The following CD1A variants were observed in gnomAD, a reference collection of about 807,000 sequenced individuals.
The protein encoded by CD1A is CD1a molecule, also known as T-cell surface glycoprotein CD1a.
In CD1A, 50 loss-of-function variants were observed where a neutral mutation model predicts 38.3. That is an observed-to-expected ratio of 1.30 (90% CI 1.04 to 1.65). The LOEUF is 1.65. CD1A is among the 40% of genes most tolerant of loss of function. The pLI, the probability that CD1A is intolerant of heterozygous loss-of-function variation, is 0.00. For synonymous variants in CD1A, 160 were observed against 150.8 expected (o/e 1.06, Z -0.45); for missense variants, 459 against 406.1 (o/e 1.13, Z -1.12).
chr1:158,251,976 G>T (rs1650099652), upstream of CD1A, among the ~76,000 whole-genome samples: 1 of 151,906 alleles, frequency 6.6e-6, no homozygotes, highest in Non-Finnish European at 1.5e-5. Flanking sequence ...GACTACAGGT[G>T]TGCACCACCA....
rs897773148 is a variant in CD1A at position 158,254,616 on chromosome 1, A to C, written c.-54A>C. ...ATATCGTGGGGTAGGTTTGTTTGGA[A>C]CAGAAATCAAAGACCAATTTTTCTG... On this transcript the variant is annotated 5_prime_UTR_variant, in exon 1 of 6. Transcript: ENST00000289429. The C allele has an allele frequency of 1.9e-6, 3 of 1,613,262 alleles. No individual in the cohort carries two copies. The highest frequency in any genetic ancestry group is 2.5e-6 in the Non-Finnish European group (3 of 1,179,758).
Position 158,255,026 on chromosome 1 carries a change from T to C in CD1A, c.59-58T>C, listed in dbSNP as rs1650199121. 7.0e-6 allele frequency: 11 copies of C among 1,565,726 alleles called. No homozygotes were observed. In the South Asian group the frequency reaches 1.1e-4, roughly 16 times the overall value. On this transcript the variant is annotated intron_variant, in intron 1 of 5. Transcript: ENST00000289429. ...GAGTTCCCGCACTCTGGCACCTTTC[T>C]CTCTCCATCCTCTTTCTCAATGTCT...
upstream of CD1A, among the ~76,000 whole-genome samples, chr1:158,249,535 T>C (rs1650029998): frequency 6.6e-6 from 1 of 152,094 alleles, no homozygotes; most frequent in South Asian, 2.1e-4. Flanking sequence ...AACATAACAT[T>C]GGGGGTTAGA....
chr1:158,249,029 C>T, the CD1A span, among the ~76,000 whole-genome samples: 1 of 152,222 alleles, frequency 6.6e-6, no homozygotes, highest in African/African-American at 2.4e-5. Context: ...TCTTCTCCCG[C>T]TTCTTCCTTC....
At position 158,256,854 on chromosome 1, in the gene CD1A, G is replaced by A; in HGVS notation, c.673G>A (p.Val225Ile). ...TGGCCATCTGCAGCTTGTGTGCCAT[G>A]TCTCAGGATTCTACCCAAAGCCCGT... The part of the protein sequence containing the change: ...GPGHLQLVCH[V>I]SGFYPKPVWV... Residue 225 changes from valine to isoleucine, a missense_variant, in exon 4 of 6, where the codon GTC becomes ATC. Transcript: ENST00000289429. The A allele has an allele frequency of 6.2e-7, 1 of 1,614,230 alleles. No homozygotes were observed.
intron 5 of CD1A, 32 bp downstream of exon 5, chr1:158,257,543 T>G (rs774717241): frequency 6.3e-7 from 1 of 1,590,938 alleles, no homozygotes; most frequent in Non-Finnish European, 8.6e-7. Flanking sequence ...TTCCTACTCT[T>G]AGCCTCTACC....
chr1:158,252,575 A>G (rs1290984575), upstream of CD1A, among the ~76,000 whole-genome samples: 1 of 152,188 alleles, frequency 6.6e-6, no homozygotes, highest in East Asian at 1.9e-4. Context: ...ATCTGGCTTC[A>G]AAAAATTATA....
Position 158,255,329 on chromosome 1 carries a change from GC to G in CD1A, c.307del (p.His103MetfsTer13), listed in dbSNP as rs1482259152. The G allele has an allele frequency of 3.7e-6, 6 of 1,613,826 alleles. No individual in the cohort carries two copies. The highest frequency in any genetic ancestry group is 5.1e-6 in the Non-Finnish European group (6 of 1,179,868). ...IRSFEGIRRY[A>X]HELQFEYPFE... is the part of the protein sequence containing the mutation. ...GTCATTTGAGGGAATTCGTAGATAC[GC>G]CCATGAATTGCAGTTTGAATGTGAG... is the stretch of plus-strand genomic sequence containing the variant. On this transcript the variant is annotated frameshift_variant, in exon 2 of 6. Coordinates refer to ENST00000289429, the MANE Select transcript of CD1A (RefSeq NM_001763.3). LOFTEE classifies it high-confidence loss of function.
chr1:158,249,809 A>G (rs1343042383), upstream of CD1A, among the ~76,000 whole-genome samples: 1 of 151,954 alleles, frequency 6.6e-6, no homozygotes, highest in African/African-American at 2.4e-5. Flanking sequence ...TGGGGGCCGC[A>G]CTCCATGACT....
intron 4 of CD1A, 147 bp downstream of exon 4, chr1:158,257,211 A>T (rs1650290016): frequency 1.7e-6 from 2 of 1,149,962 alleles, no homozygotes; most frequent in Admixed American, 2.8e-5. Context: ...AATGTTGAAA[A>T]TGAGGGCCCT....
rs1350305597 is a variant in CD1A at position 158,256,131 on chromosome 1, T to G, written c.453T>G (p.Tyr151Ter). 1.9e-6 allele frequency: 3 copies of G among 1,614,038 alleles called. No homozygotes were observed. The Admixed American group carries it at 5.0e-5, about 27-fold the overall frequency. ...VSFQNNSWLP[Y>*]PVAGNMAKHF... ...TCCAGAACAATTCATGGTTGCCATATCCAGTGGCTGGGAATATGGCCAAGC... is the reference window on the plus strand; with the variant it reads ...TCCAGAACAATTCATGGTTGCCATAGCCAGTGGCTGGGAATATGGCCAAGC... Residue 151 changes from tyrosine to a stop codon, truncating the protein, a stop_gained, in exon 3 of 6, where the codon TAT (tyrosine) becomes TAG (stop). Transcript: ENST00000289429. LOFTEE classifies it high-confidence loss of function.
intron 3 of CD1A, 22 bp downstream of exon 3, chr1:158,256,304 C>T: frequency 6.3e-7 from 1 of 1,597,070 alleles, no homozygotes; most frequent in Non-Finnish European, 8.5e-7. Context: ...ACTCTCCCTC[C>T]AAGAAGTTTT....
At chr1:158,255,505 A>G (rs1205597127) in intron 2 of CD1A, among the ~76,000 whole-genome samples, 155 bp downstream of exon 2, 1 of 152,138 alleles carries the variant, frequency 6.6e-6, no homozygotes, top group Admixed American at 6.5e-5. Flanking sequence ...GGCAAGGGCT[A>G]TCATCCAGAC....
chr1:158,257,684 C>G lies in CD1A; in HGVS notation c.978C>G (p.Phe326Leu), dbSNP rs749768598. The G allele has an allele frequency of 1.2e-6, 2 of 1,614,086 alleles. No homozygotes were observed. The highest frequency in any genetic ancestry group is 1.7e-6 in the Non-Finnish European group (2 of 1,179,932). ...TTCTATCTCTGTTCTCATCCAGTTT[C>G]TGTTAAGACACACCATGAGCCTCCT... ...GLALWFRKRC[F>L]C The change falls in exon 6 of 6, where the codon TTC (phenylalanine) becomes TTG (leucine). Residue 326 changes from phenylalanine (F) to leucine (L), a missense_variant. Phe to Leu is a conservative substitution (Grantham distance 22). Coordinates refer to ENST00000289429, the MANE Select transcript of CD1A (RefSeq NM_001763.3).
rs1270782809 is a variant in CD1A, at chr1:158,254,510, A to G, written c.-160A>G. The G allele has an allele frequency of 6.8e-6, 10 of 1,470,238 alleles. No homozygotes were observed. In the Admixed American group the frequency reaches 2.2e-4, roughly 33 times the overall value. The allele number at this position is 1,470,238 out of a possible 1,614,324, so 91.1% of individuals were successfully genotyped here. A position where few individuals can be genotyped will look rare whatever the true frequency, so the allele number is the denominator to read the frequency against. On this transcript the variant is annotated 5_prime_UTR_variant, in exon 1 of 6. Transcript: ENST00000289429. ...AAATGAGAGACTGAGTAGGCATCTC[A>G]GGGTTTTTGAAGGAGTGGATTTTCT...
upstream of CD1A, among the ~76,000 whole-genome samples, chr1:158,253,349 T>A (rs1028610792): frequency 6.6e-6 from 1 of 152,212 alleles, no homozygotes; most frequent in Non-Finnish European, 1.5e-5. Context: ...ATAAAGACTT[T>A]GGAATACTCC....
chr1:158,248,549 T>TA, the CD1A span: 1 of 309,510 alleles, frequency 3.2e-6, no homozygotes, highest in South Asian at 1.3e-4. Flanking sequence ...CCTGTCTGAT[T>TA]GAGTTCTAAT....
upstream of CD1A, among the ~76,000 whole-genome samples, chr1:158,253,368 C>T (rs1438544068): frequency 3.9e-5 from 6 of 152,210 alleles, no homozygotes. Flanking sequence ...CCATTAACTT[C>T]ACTGCTCACA....
In CD1A at chr1:158,254,696, A is replaced by T; in HGVS notation, c.27A>T (p.Leu9Phe). 6.2e-7 allele frequency: 1 copy of T among 1,613,838 alleles called. No individual in the cohort carries two copies. Among genetic ancestry groups the T allele is most frequent in the South Asian group, 1.1e-5 (1 of 91,076 alleles). MLFLLLPL[L>F]AVLPGDGNAD... ...TGCTGTTTTTGCTACTTCCATTGTT[A>T]GCTGTTCTCCCAGGTGATGGCAATG... The change falls in exon 1 of 6, where the codon TTA (leucine) becomes TTT (phenylalanine). Residue 9 changes from leucine (L) to phenylalanine (F), a missense_variant. By Grantham distance (22) the Leu-to-Phe change is conservative. Transcript: ENST00000289429.
Sources: allele counts gnomAD v4.1 joint callset (sites outside exome capture counted in the v4.1 genomes callset), GRCh38; gene constraint gnomAD v4.1.1; transcripts MANE v1.5; gene names NCBI Gene and HGNC (gene_info 2026-07-23, HGNC 2026-07-21).